Variants in CNOT8 observed in about 807,000 individuals in gnomAD.
CNOT8 encodes the protein CAF1-like protein.
A neutral mutation model predicts 34.6 loss-of-function variants in CNOT8; 18 were observed. The observed-to-expected ratio is 0.52, with a 90% CI of 0.36 to 0.77. The LOEUF is 0.77. Among genes scored for constraint, CNOT8 ranks in the 30% least tolerant of loss-of-function variants. CNOT8 has a pLI of 0.00. For synonymous variants in CNOT8, 101 were observed against 118.8 expected (o/e 0.85, Z 0.98); for missense variants, 189 against 347.9 (o/e 0.54, Z 3.63).
At chr5:154,868,065 T>C (rs931844994) in intron 3 of CNOT8, among the ~76,000 whole-genome samples, 1 of 150,408 alleles carries the variant, frequency 6.6e-6, no homozygotes, top group Non-Finnish European at 1.5e-5. Flanking sequence ...GCCTCCCGAG[T>C]AGCTGGGATT....
chr5:154,860,102 C>T (rs946125718), intron 1 of CNOT8, among the ~76,000 whole-genome samples: 4 of 152,006 alleles, frequency 2.6e-5, no homozygotes, highest in African/African-American at 9.7e-5. Context: ...TGGTTGTAAC[C>T]CAGATAAGTA....
At chr5:154,872,193 A>G (rs1762550324) in intron 5 of CNOT8, among the ~76,000 whole-genome samples, 2 of 152,176 alleles carry the variant, frequency 1.3e-5, no homozygotes, top group Non-Finnish European at 2.9e-5. Context: ...GGAGTTCTTA[A>G]CTCTAGAAAG....
chr5:154,868,204 T>G (rs1762094181), intron 3 of CNOT8, among the ~76,000 whole-genome samples: 1 of 151,752 alleles, frequency 6.6e-6, no homozygotes, highest in African/African-American at 2.4e-5. Flanking sequence ...CCCAGAGTGC[T>G]GGGATTACAG....
chr5:154,860,948 T>C (rs1761278461), intron 1 of CNOT8, among the ~76,000 whole-genome samples: 1 of 152,208 alleles, frequency 6.6e-6, no homozygotes, highest in Admixed American at 6.5e-5. Flanking sequence ...CTTTTGCTTT[T>C]ACGGAAACAT....
At chr5:154,860,388 CT>C (rs2113231189) in intron 1 of CNOT8, among the ~76,000 whole-genome samples, 1 of 152,242 alleles carries the variant, frequency 6.6e-6, no homozygotes, top group East Asian at 1.9e-4. Flanking sequence ...CTGCTGCAGC[CT>C]TGACTTCCTG....
intron 3 of CNOT8, among the ~76,000 whole-genome samples, chr5:154,870,272 C>T (rs1422787607): frequency 2.0e-5 from 3 of 150,608 alleles, no homozygotes; most frequent in Non-Finnish European, 3.0e-5. Context: ...TTTTTTGAGA[C>T]GGAGTCTCAC....
At chr5:154,874,484 G>C (rs1484322159) in intron 6 of CNOT8, among the ~76,000 whole-genome samples, 1 of 152,050 alleles carries the variant, frequency 6.6e-6, no homozygotes, top group Non-Finnish European at 1.5e-5. Flanking sequence ...GCTGAGGCAA[G>C]GGAATCACTT....
chr5:154,872,778 A>G (rs1305593486), intron 6 of CNOT8, 127 bp downstream of exon 6: 1 of 372,706 alleles, frequency 2.7e-6, no homozygotes, highest in African/African-American at 2.1e-5. Flanking sequence ...TTTATTATTT[A>G]TTTTTTTTGA....
intron 1 of CNOT8, among the ~76,000 whole-genome samples, chr5:154,860,201 G>A (rs906540673): frequency 1.3e-5 from 2 of 152,146 alleles, no homozygotes; most frequent in Non-Finnish European, 2.9e-5. Flanking sequence ...TTGCCCTGAG[G>A]AGGCTTAAAA....
intron 3 of CNOT8, among the ~76,000 whole-genome samples, chr5:154,866,972 C>CAA (rs141803965): frequency 6.8e-6 from 1 of 146,314 alleles, no homozygotes; most frequent in Non-Finnish European, 1.5e-5. Context: ...ATAAGCAAAA[C>CAA]AAAAAAAAAA....
rs1762896316 is a variant in CNOT8 at position 154,875,920 on chromosome 5, T to G, written c.*481T>G. ...TTCTTAGGTAATGGGTTGTAGATAC[T>G]GAGTCTTCCTTTCCTTTTCTGACCC... On this transcript the variant is annotated 3_prime_UTR_variant, in exon 7 of 7. Transcript: ENST00000285896. The G allele has an allele frequency of 6.5e-6, 1 of 154,294 alleles. No homozygotes were observed. Among genetic ancestry groups the G allele is most frequent in the South Asian group, 2.0e-4 (1 of 5,012 alleles). The allele number at this position is 154,294 out of a possible 1,614,324, so 9.6% of individuals were successfully genotyped here. A position where few individuals can be genotyped will look rare whatever the true frequency, so the allele number is the denominator to read the frequency against.
rs1014757637 is a variant in CNOT8 at position 154,875,383 on chromosome 5, G to T, written c.823G>T (p.Asp275Tyr). ...GGCCCAGAAGCAGAATGAGGATGTG[G>T]ACTCTGCCCAGGAGAAGATGAGCAT... ...GVAQKQNEDVDSAQEKMSILA... is the reference protein window; with the variant it reads ...GVAQKQNEDVYSAQEKMSILA... The change falls in exon 7 of 7, where the codon GAC becomes TAC. Residue 275 changes from aspartate to tyrosine, a missense_variant. By Grantham distance (160) the Asp-to-Tyr change is radical (BLOSUM62 -3). Coordinates refer to ENST00000285896, the MANE Select transcript of CNOT8 (RefSeq NM_001301073.2). 5 of 1,614,104 alleles carry T rather than the reference G, an allele frequency of 3.1e-6. No homozygotes were observed. The highest frequency in any genetic ancestry group is 3.4e-6 in the Non-Finnish European group (4 of 1,180,028).
chr5:154,875,233 A>T (rs1762837957), intron 6 of CNOT8, 57 bp from the exon 7 acceptor site: 1 of 1,583,656 alleles, frequency 6.3e-7, no homozygotes, highest in South Asian at 1.1e-5. Context: ...GATAATATTT[A>T]TACTTGTCAT....
intron 3 of CNOT8, 139 bp from the exon 4 acceptor site, chr5:154,870,522 G>A: frequency 3.4e-6 from 2 of 590,638 alleles, no homozygotes; most frequent in East Asian, 6.0e-5. Context: ...TTGAATGTTG[G>A]AAAGAGTGAA....
intron 1 of CNOT8, among the ~76,000 whole-genome samples, chr5:154,862,652 A>G (rs1401670431): frequency 6.6e-6 from 1 of 152,140 alleles, no homozygotes; most frequent in Admixed American, 6.5e-5. Context: ...CTCTAGTTGT[A>G]TTTGACTTTG....
At chr5:154,872,487 C>T in intron 5 of CNOT8, 54 bp from the exon 6 acceptor site, 1 of 1,166,196 alleles carries the variant, frequency 8.6e-7, no homozygotes, top group African/African-American at 1.5e-5. Flanking sequence ...TAGTTGGCTC[C>T]AGTAGGGGCA....
chr5:154,869,425 GT>G lies in CNOT8; in HGVS notation c.312-1217del, dbSNP rs765749537. Among the ~76,000 whole-genome samples the G allele has an allele frequency of 6.4e-3, 818 of 127,336 alleles. 5 individuals are homozygous for G. The highest frequency in any genetic ancestry group is 0.031 in the East Asian group (136 of 4,406). The allele number at this position is 127,336 out of a possible 152,430, so 83.5% of individuals were successfully genotyped here. A position where few individuals can be genotyped will look rare whatever the true frequency, so the allele number is the denominator to read the frequency against. Reference sequence around the variant, plus strand: ...TGAGCCACCCCACCCGGCCTTGTTGGTTTTTTTTTTTTTTTTTTTAAGTTTA... The same window carrying G: ...TGAGCCACCCCACCCGGCCTTGTTGGTTTTTTTTTTTTTTTTTTAAGTTTA... On this transcript the variant is annotated intron_variant, in intron 3 of 6. Coordinates refer to ENST00000285896, the MANE Select transcript of CNOT8 (RefSeq NM_001301073.2).
chr5:154,864,610 T>C (rs1051723352), intron 2 of CNOT8, among the ~76,000 whole-genome samples: 1 of 152,246 alleles, frequency 6.6e-6, no homozygotes, highest in Admixed American at 6.5e-5. Flanking sequence ...TATATTGTTC[T>C]CTACCTAGAA....
At chr5:154,875,079 G>T (rs1762823913) in intron 6 of CNOT8, among the ~76,000 whole-genome samples, 1 of 151,706 alleles carries the variant, frequency 6.6e-6, no homozygotes, top group Non-Finnish European at 1.5e-5. Context: ...ACCATGCCCG[G>T]CTCATTTTTG....
Sources: allele counts gnomAD v4.1 joint callset (sites outside exome capture counted in the v4.1 genomes callset), GRCh38; gene constraint gnomAD v4.1.1; transcripts MANE v1.5; gene names NCBI Gene and HGNC (gene_info 2026-07-23, HGNC 2026-07-21).